Variants in ZSWIM4 observed in about 807,000 individuals in gnomAD.
ZSWIM4 encodes zinc finger SWIM-type containing 4.
Under a neutral mutation model 102.5 loss-of-function variants are expected in ZSWIM4, and 62 were observed. That is an observed-to-expected ratio of 0.60 (90% confidence interval 0.49 to 0.75). The LOEUF (loss-of-function observed/expected upper bound fraction) is 0.75, where lower values mean the gene tolerates loss of function less well. Among genes scored for constraint, ZSWIM4 ranks in the 30% least tolerant of loss-of-function variants. The pLI is 0.00. For missense variants in ZSWIM4, 1,280 were observed against 1,529.6 expected, an observed-to-expected ratio of 0.84 and a Z score of 2.72; for synonymous variants, 652 against 674.5, an observed-to-expected ratio of 0.97 and a Z score of 0.52.
At chr19:13,828,361 T>C (rs1316399491) in intron 12 of ZSWIM4, among the ~76,000 whole-genome samples, 1 of 151,584 alleles carries the variant, frequency 6.6e-6, no homozygotes, top group Non-Finnish European at 1.5e-5. Context: ...TGAGCCAAGA[T>C]CGCACCACTG....
intron 12 of ZSWIM4, among the ~76,000 whole-genome samples, chr19:13,826,727 T>C (rs978753197): frequency 2.0e-5 from 3 of 151,738 alleles, no homozygotes. Flanking sequence ...ATCACACCAC[T>C]GCATTCCAGC....
rs971332560 is a variant in ZSWIM4 at position 13,819,816 on chromosome 19, C to T, written c.2060+324C>T. The stretch of plus-strand genomic sequence containing the variant: ...CCGAGTGGCTAGGATTACAGGCATG[C>T]ACCACCATGCCCAGCTAATTTTTGT... On this transcript the variant is annotated intron_variant, in intron 10 of 13. Transcript: ENST00000590508. Among the ~76,000 whole-genome samples the T allele has an allele frequency of 7.3e-4, 110 of 150,306 alleles. 1 individual carries two copies. The highest frequency in any genetic ancestry group is 2.3e-3 in the Admixed American group (35 of 15,118).
intron 7 of ZSWIM4, among the ~76,000 whole-genome samples, chr19:13,816,048 G>A (rs1473643103): frequency 1.3e-5 from 2 of 150,352 alleles, no homozygotes; most frequent in African/African-American, 4.9e-5. Flanking sequence ...GGGAGAGAGA[G>A]GGGAAGGAAG....
chr19:13,823,456 C>T lies in ZSWIM4; in HGVS notation c.2171C>T (p.Thr724Ile). Residue 724 changes from threonine to isoleucine, a missense_variant, in exon 11 of 14, where the codon ACC becomes ATC. Thr to Ile is a moderately conservative substitution (Grantham distance 89). Coordinates refer to ENST00000590508, the MANE Select transcript of ZSWIM4 (RefSeq NM_001367834.3). ...TGGTTCATCCTTGGCCACCTGGAGA[C>T]CCGCCAGTGTGAACTGGCTTCCACC... ...PRWFILGHLETRQCELASTML... is the reference protein window; with the variant it reads ...PRWFILGHLEIRQCELASTML... 6.3e-7 allele frequency: 1 copy of T among 1,589,544 alleles called. No homozygotes were observed. The highest frequency in any genetic ancestry group is 8.6e-7 in the Non-Finnish European group (1 of 1,167,666).
intron 6 of ZSWIM4, 51 bp from the exon 7 acceptor site, chr19:13,814,464 A>G: frequency 1.9e-6 from 2 of 1,041,116 alleles, no homozygotes; most frequent in Non-Finnish European, 2.4e-6. Flanking sequence ...ACACGGCTCA[A>G]CTGCTATAGG....
chr19:13,814,608 C>G lies in ZSWIM4; in HGVS notation c.1274C>G (p.Ala425Gly). 8.1e-7 allele frequency: 1 copy of G among 1,239,488 alleles called. No individual in the cohort carries two copies. The highest frequency in any genetic ancestry group is 1.0e-6 in the Non-Finnish European group (1 of 956,096). The allele number at this position is 1,239,488 out of a possible 1,614,324, so 76.8% of individuals were successfully genotyped here. A position where few individuals can be genotyped will look rare whatever the true frequency, so the allele number is the denominator to read the frequency against. ...LLAGELHWND[A>G]YLQRILASDS... is the part of the protein sequence containing the mutation. ...GCTGGAGAGCTACACTGGAATGACGCCTACCTGCAGAGGATCCTGGCCAGT... is the reference window on the plus strand; with the variant it reads ...GCTGGAGAGCTACACTGGAATGACGGCTACCTGCAGAGGATCCTGGCCAGT... Residue 425 changes from alanine (A) to glycine (G), a missense_variant, in exon 7 of 14, where the codon GCC becomes GGC. Coordinates refer to ENST00000590508, the MANE Select transcript of ZSWIM4 (RefSeq NM_001367834.3).
At chr19:13,814,204 G>A (rs1022714595) in intron 6 of ZSWIM4, among the ~76,000 whole-genome samples, 2 of 151,634 alleles carry the variant, frequency 1.3e-5, no homozygotes, top group African/African-American at 4.8e-5. Flanking sequence ...TTACAGGTGT[G>A]CACCACCACG....
At chr19:13,818,438 G>A (rs1323939627) in intron 9 of ZSWIM4, among the ~76,000 whole-genome samples, 1 of 152,158 alleles carries the variant, frequency 6.6e-6, no homozygotes, top group African/African-American at 2.4e-5. Context: ...CGGACTTGCT[G>A]GTCTTGGCCG....
rs1975778593 is a variant in ZSWIM4 at position 13,831,917 on chromosome 19, C to T, written c.*867C>T. The stretch of plus-strand genomic sequence containing the variant: ...TGTTTCCATTTTTCCCGGCACTTAC[C>T]TGCCTTTCTCTCTGCACCTAAGTCC... On this transcript the variant is annotated 3_prime_UTR_variant, in exon 14 of 14. Coordinates refer to ENST00000590508, the MANE Select transcript of ZSWIM4 (RefSeq NM_001367834.3). 6.6e-6 allele frequency: 1 copy of T among 151,918 alleles called. No homozygotes were observed. The highest frequency in any genetic ancestry group is 1.5e-5 in the Non-Finnish European group (1 of 67,982). 9.4% of individuals were successfully genotyped at this position (151,918 alleles called of 1,614,324 possible). A position where few individuals can be genotyped will look rare whatever the true frequency, so the allele number is the denominator to read the frequency against.
chr19:13,814,477 C>A (rs1003758574), intron 6 of ZSWIM4, 38 bp from the exon 7 acceptor site: 8 of 1,086,878 alleles, frequency 7.4e-6, no homozygotes, highest in African/African-American at 1.7e-5. Context: ...GCTATAGGGA[C>A]CCCCCCTCAC....
At chr19:13,802,603 G>C (rs918916212) in intron 2 of ZSWIM4, among the ~76,000 whole-genome samples, 4 of 151,390 alleles carry the variant, frequency 2.6e-5, no homozygotes, top group Admixed American at 2.0e-4. Context: ...AAGGGAGATA[G>C]GGTCTCACTC....
intron 10 of ZSWIM4, among the ~76,000 whole-genome samples, chr19:13,821,998 A>G (rs561513044): frequency 6.6e-6 from 1 of 152,214 alleles, no homozygotes; most frequent in Admixed American, 6.5e-5. Flanking sequence ...AGCCTCCCAA[A>G]GTGCTGGGAT....
In ZSWIM4 at chr19:13,820,144, G is replaced by A. The variant is rs182830044; in HGVS notation, c.2060+652G>A. Among the ~76,000 whole-genome samples, 447 of 152,112 alleles carry A rather than the reference G, an allele frequency of 2.9e-3. 2 individuals are homozygous for A. The highest frequency in any genetic ancestry group is 0.01 in the African/African-American group (434 of 41,532). On this transcript the variant is annotated intron_variant, in intron 10 of 13. Transcript: ENST00000590508. Reference sequence around the variant, plus strand: ...GAACTCCTGACCTCATGATCCACCCGCCTTGGCCTCCCAAAGTGCTAGGAT... The same window carrying A: ...GAACTCCTGACCTCATGATCCACCCACCTTGGCCTCCCAAAGTGCTAGGAT...
rs756501523 is a variant in ZSWIM4, at chr19:13,799,914, G to T, written c.348G>T (p.Leu116Phe). 1.2e-6 allele frequency: 2 copies of T among 1,610,008 alleles called. No individual in the cohort carries two copies. Among genetic ancestry groups the T allele is most frequent in the South Asian group, 2.2e-5 (2 of 91,018 alleles). Residue 116 changes from leucine (L) to phenylalanine (F), a missense_variant, in exon 2 of 14, where the codon TTG (leucine) becomes TTT (phenylalanine). By Grantham distance (22) the Leu-to-Phe change is conservative. Transcript: ENST00000590508. The stretch of plus-strand genomic sequence containing the variant: ...AGAGCGGGGCCGTGGACCGCGTGTT[G>T]CAAGTGGGTGAGTCTTTGTCCCCCA... The part of the protein sequence containing the change: ...LLQSGAVDRV[L>F]QVGFHLSGNI...
rs371337062 is a variant in ZSWIM4, at chr19:13,825,045, T to TTTTC, written c.2216-502_2216-501insCTTT. On this transcript the variant is annotated intron_variant, in intron 11 of 13. Transcript: ENST00000590508. This position sits in a 1 kb window ranked among gnomAD's most constrained non-coding sequence, Gnocchi z 4.6. Reference sequence around the variant, plus strand: ...GGATCCCTAGGTGGCTTTTCTTTTCTTTTTTTTTTTTTTGAGATGGATATT... The same window carrying TTTTC: ...GGATCCCTAGGTGGCTTTTCTTTTCTTTTCTTTTTTTTTTTTTGAGATGGATATT... Among the ~76,000 whole-genome samples, 40 of 98,032 alleles carry TTTTC rather than the reference T, an allele frequency of 4.1e-4. No homozygotes were observed. Among genetic ancestry groups the TTTTC allele is most frequent in the African/African-American group, 8.4e-4 (13 of 15,442 alleles). The allele number at this position is 98,032 out of a possible 152,430, so 64.3% of individuals were successfully genotyped here.
At position 13,818,090 on chromosome 19, in the gene ZSWIM4, C is replaced by T. The variant is rs1678949441; in HGVS notation, c.1924+114C>T. On this transcript the variant is annotated intron_variant, in intron 9 of 13. Coordinates refer to ENST00000590508, the MANE Select transcript of ZSWIM4 (RefSeq NM_001367834.3). The stretch of plus-strand genomic sequence containing the variant: ...GCCCCGCCCCAGCCCCGCCCCTAGC[C>T]CCGCCTCCTGGTGATACTGTCCCCT... The T allele has an allele frequency of 2.1e-6, 3 of 1,410,502 alleles. No individual in the cohort carries two copies. The African/African-American group carries it at 4.4e-5, about 21-fold the overall frequency. The allele number at this position is 1,410,502 out of a possible 1,614,324, so 87.4% of individuals were successfully genotyped here.
chr19:13,802,631 T>G (rs1974805111), intron 2 of ZSWIM4, among the ~76,000 whole-genome samples: 1 of 151,508 alleles, frequency 6.6e-6, no homozygotes, highest in Non-Finnish European at 1.5e-5. Context: ...CAGGCTGGAG[T>G]GCAGTGGCGC....
At chr19:13,812,552 C>T (rs1471346717) in intron 5 of ZSWIM4, among the ~76,000 whole-genome samples, 1 of 151,016 alleles carries the variant, frequency 6.6e-6, no homozygotes, top group Non-Finnish European at 1.5e-5. Flanking sequence ...CTCCACCTCC[C>T]GGGTTCGAGC....
At chr19:13,800,995 G>T (rs1400190132) in intron 2 of ZSWIM4, among the ~76,000 whole-genome samples, 2 of 151,916 alleles carry the variant, frequency 1.3e-5, no homozygotes, top group African/African-American at 2.4e-5. Flanking sequence ...ATCAAAAAAT[G>T]AGCTGGGCAT....
Sources: gnomAD v4.1 joint callset for allele counts (sites outside exome capture counted in the v4.1 genomes callset) on GRCh38, gnomAD v4.1.1 for gene constraint, Gnocchi (gnomAD v3.1) non-coding constraint, MANE v1.5 for transcripts, NCBI Gene and HGNC (gene_info 2026-07-23, HGNC 2026-07-21) for gene names.